SPRY3: variants seen among roughly 807,000 people sequenced by gnomAD.
SPRY3 encodes the protein protein sprouty homolog 3.
A neutral mutation model predicts 20.2 loss-of-function variants in SPRY3; 15 were observed. That is an observed-to-expected ratio of 0.74 (90% confidence interval 0.50 to 1.14). The LOEUF is 1.14. Among genes scored for constraint, SPRY3 ranks in the 50% most tolerant of loss-of-function variants. SPRY3 has a pLI of 0.00. For synonymous variants in SPRY3, 143 were observed against 136.5 expected (o/e 1.05, Z -0.33); for missense variants, 364 against 363.9 (o/e 1.00, Z 0.00).
In SPRY3 at chrX:155,708,339, T is replaced by C. The variant is rs2090964703; in HGVS notation, c.-282+51314T>C. On this transcript the variant is annotated intron_variant, in intron 2 of 3. Coordinates refer to ENST00000675360, the Ensembl canonical transcript of SPRY3. ...TTCTCTCAGCACTTTGAATATATAA[T>C]CCCACTGCCTTCTGGCCTCCATTGA... is the stretch of plus-strand genomic sequence containing the variant. 4.0e-5 allele frequency among the ~76,000 whole-genome samples: 6 copies of C among 151,420 alleles called. No individual in the cohort carries two copies. The South Asian group carries it at 1.2e-3, about 31-fold the overall frequency.
chrX:155,748,557 G>A (rs951640043), intron 2 of SPRY3, among the ~76,000 whole-genome samples: 2 of 151,776 alleles, frequency 1.3e-5, no homozygotes, highest in African/African-American at 4.8e-5. Flanking sequence ...TTTCATTAAA[G>A]GAATGAGGAA....
At chrX:155,779,833 G>A (rs2091453139), downstream of SPRY3, 1 of 166,954 alleles carries the variant, frequency 6.0e-6, no homozygotes, top group Admixed American at 6.6e-5. Context: ...ATAGTTCCCT[G>A]TGTCCTATAG....
chrX:155,671,143 T>C (rs1348891397), intron 2 of SPRY3, among the ~76,000 whole-genome samples: 1 of 111,877 alleles, frequency 8.9e-6, no homozygotes, highest in Non-Finnish European at 1.9e-5. Context: ...TTAGAGATGA[T>C]GAGTAAGTTG....
chrX:155,650,837 T>G (rs1256525248), intron 1 of SPRY3, among the ~76,000 whole-genome samples: 1 of 112,054 alleles, frequency 8.9e-6, no homozygotes, highest in Non-Finnish European at 1.9e-5. Context: ...CTTGGCTATT[T>G]CTACCCAATG....
intron 1 of SPRY3, among the ~76,000 whole-genome samples, chrX:155,624,553 TATCTATC>T (rs1295994946): frequency 1.6e-4 from 16 of 98,848 alleles, no homozygotes; most frequent in Non-Finnish European, 1.7e-4. Context: ...TCTATCTATC[TATCTATC>T]ATCTATCATC....
intron 1 of SPRY3, among the ~76,000 whole-genome samples, chrX:155,613,508 CA>C (rs1182891169): frequency 2.7e-5 from 3 of 110,519 alleles, no homozygotes; most frequent in Non-Finnish European, 3.8e-5. Flanking sequence ...GTAAGAACAA[CA>C]AAAAAAATCA....
chrX:155,617,657 G>C (rs1557349025), intron 1 of SPRY3, among the ~76,000 whole-genome samples: 1 of 111,604 alleles, frequency 9.0e-6, no homozygotes, highest in South Asian at 3.7e-4. Context: ...CAGATGTTGG[G>C]ACGGGTAAAC....
At chrX:155,773,307 G>A (rs868102857) in intron 3 of SPRY3, among the ~76,000 whole-genome samples, 2 of 120,722 alleles carry the variant, frequency 1.7e-5, no homozygotes, top group African/African-American at 6.2e-5. Context: ...ATTTTGATTG[G>A]ATATATATAT....
In SPRY3 at chrX:155,774,008, T is replaced by C. The variant is rs753172710; in HGVS notation, c.137T>C (p.Val46Ala). ...GCCCTCTCCAGCCCTTCCCTTATTG[T>C]GCAAACCCACAAGTCTGATTGGTCT... Residue 46 changes from valine (V) to alanine (A), a missense_variant, in exon 4 of 4, where the codon GTG becomes GCG. Physicochemically the swap from Val to Ala is moderately conservative, Grantham distance 64. Transcript: ENST00000675360. The C allele has an allele frequency of 2.5e-6, 4 of 1,613,950 alleles. No individual in the cohort carries two copies. The Admixed American group carries it at 5.0e-5, about 20-fold the overall frequency.
At chrX:155,689,386 TTCC>T (rs762741300) in intron 2 of SPRY3, among the ~76,000 whole-genome samples, 2 of 87,107 alleles carry the variant, frequency 2.3e-5, no homozygotes, top group Admixed American at 2.5e-4. Context: ...TAGGGAGGGG[TTCC>T]TCCTCCTCAT....
At chrX:155,672,340 T>A (rs1236898010) in intron 2 of SPRY3, among the ~76,000 whole-genome samples, 1 of 109,319 alleles carries the variant, frequency 9.1e-6, no homozygotes, top group Non-Finnish European at 1.9e-5. Flanking sequence ...ATATCCAGAA[T>A]CTACAATGAA....
intron 2 of SPRY3, among the ~76,000 whole-genome samples, chrX:155,693,458 T>A (rs2068109637): frequency 8.9e-6 from 1 of 112,162 alleles, no homozygotes; most frequent in South Asian, 3.7e-4. Flanking sequence ...TATTCTGCAA[T>A]TGCCTGGTGT....
downstream of SPRY3, chrX:155,781,690 A>G (rs763838307): frequency 6.0e-6 from 1 of 167,198 alleles, no homozygotes; most frequent in East Asian, 1.9e-4. Flanking sequence ...TCATTAAAGC[A>G]GAAGCATTTT....
intron 1 of SPRY3, among the ~76,000 whole-genome samples, chrX:155,648,702 C>G (rs2067966241): frequency 9.0e-6 from 1 of 111,332 alleles, no homozygotes; most frequent in African/African-American, 3.3e-5. Flanking sequence ...GTTACTGTAG[C>G]CTTCTAGTAT....
At chrX:155,666,888 A>G (rs2068026100) in intron 2 of SPRY3, among the ~76,000 whole-genome samples, 1 of 110,370 alleles carries the variant, frequency 9.1e-6, no homozygotes, top group Admixed American at 9.7e-5. Context: ...GCTTGGTGGA[A>G]GTGGAGTAGC....
chrX:155,738,053 A>T (rs1361809180), intron 2 of SPRY3, among the ~76,000 whole-genome samples: 1 of 152,188 alleles, frequency 6.6e-6, no homozygotes, highest in Non-Finnish European at 1.5e-5. Context: ...TGCAAAATAG[A>T]TCATGGATTT....
chrX:155,754,192 T>C (rs1414850158), intron 2 of SPRY3, among the ~76,000 whole-genome samples: 1 of 152,040 alleles, frequency 6.6e-6, no homozygotes, highest in Admixed American at 6.6e-5. Context: ...TTTACTCCTA[T>C]GTTTTATTCT....
At chrX:155,715,864 A>G (rs771763096) in intron 2 of SPRY3, among the ~76,000 whole-genome samples, 23 of 152,198 alleles carry the variant, frequency 1.5e-4, no homozygotes, top group Non-Finnish European at 2.9e-4. Context: ...TTTAATGTAA[A>G]TTCCCCCAGT....
chrX:155,750,760 G>A (rs2091258353), intron 2 of SPRY3, among the ~76,000 whole-genome samples: 1 of 151,774 alleles, frequency 6.6e-6, no homozygotes. Context: ...GACGGCTGGT[G>A]GGTTATAAAA....
Sources: allele counts gnomAD v4.1 joint callset (sites outside exome capture counted in the v4.1 genomes callset), GRCh38; gene constraint gnomAD v4.1.1; transcripts MANE v1.5; gene names NCBI Gene and HGNC (gene_info 2026-07-23, HGNC 2026-07-21).